AP5Z1: variants seen among roughly 807,000 people sequenced by gnomAD.
AP5Z1 encodes the protein AP-5 complex subunit zeta-1.
In AP5Z1, 106 loss-of-function variants were observed where a neutral mutation model predicts 83.0. The ratio of observed to expected loss-of-function variants is 1.28; its 90% CI spans 1.09 to 1.50. The LOEUF (loss-of-function observed/expected upper bound fraction) is 1.50. Ranked by LOEUF, AP5Z1 falls within the 40% of genes most tolerant of loss-of-function variation. AP5Z1 has a pLI of 0.00. For synonymous variants in AP5Z1, 751 were observed against 514.1 expected (o/e 1.46, Z -6.23); for missense variants, 1,565 against 1,094.2 (o/e 1.43, Z -6.07).
intron 8 of AP5Z1, 27 bp from the exon 9 acceptor site, chr7:4,785,495 C>T (rs758587005): frequency 6.2e-6 from 10 of 1,613,040 alleles, no homozygotes; most frequent in African/African-American, 4.0e-5. Context: ...GCGACTCGGC[C>T]CATTTGATGT....
At chr7:4,788,115 G>T (rs923351130) in intron 11 of AP5Z1, 39 bp from the exon 12 acceptor site, 1 of 1,491,666 alleles carries the variant, frequency 6.7e-7, no homozygotes, top group Admixed American at 2.3e-5. Flanking sequence ...GAGTGCAGGG[G>T]CCGCATCCCA....
At chr7:4,785,762 T>A in intron 9 of AP5Z1, 78 bp downstream of exon 9, 1 of 364,330 alleles carries the variant, frequency 2.7e-6, no homozygotes, top group Non-Finnish European at 3.7e-6. Flanking sequence ...CTTCTTCCCT[T>A]TTTTTTTTTT....
At chr7:4,789,155 G>A in intron 13 of AP5Z1, 1 of 533,278 alleles carries the variant, frequency 1.9e-6, no homozygotes, top group Non-Finnish European at 3.3e-6. Context: ...TATTCCAGCA[G>A]GCCCCGTTCC....
Position 4,791,503 on chromosome 7 carries a change from C to G in AP5Z1, c.*118C>G, listed in dbSNP as rs971603837. 43 of 1,414,752 alleles carry G rather than the reference C, an allele frequency of 3.0e-5. No individual in the cohort carries two copies. The highest frequency in any genetic ancestry group is 3.8e-5 in the Non-Finnish European group (40 of 1,061,166). The allele number at this position is 1,414,752 out of a possible 1,614,324, so 87.6% of individuals were successfully genotyped here. A position where few individuals can be genotyped will look rare whatever the true frequency, so the allele number is the denominator to read the frequency against. On this transcript the variant is annotated 3_prime_UTR_variant, in exon 17 of 17. Coordinates refer to ENST00000649063, the MANE Select transcript of AP5Z1 (RefSeq NM_014855.3). ...GGAGTCCTGGGAGAGGAGGCAAGGC[C>G]CACGGTGGGCTTGGCACCCTCACAG...
chr7:4,786,065 C>G (rs926208609), intron 9 of AP5Z1, among the ~76,000 whole-genome samples, 185 bp from the exon 10 acceptor site: 1 of 152,232 alleles, frequency 6.6e-6, no homozygotes, highest in African/African-American at 2.4e-5. Context: ...GTGTGTGACT[C>G]ACGAGCTGTC....
In AP5Z1 at chr7:4,783,449, C is replaced by A. The variant is rs748108455; in HGVS notation, c.500C>A (p.Thr167Asn). Reference sequence around the variant, plus strand: ...AAGGTCGTGGTCCTCAGCCCGGGCACCCTCCAGGAGGGTACGCGGGGCCCC... The same window carrying A: ...AAGGTCGTGGTCCTCAGCCCGGGCAACCTCCAGGAGGGTACGCGGGGCCCC... ...MAKVVVLSPG[T>N]LQEDQATLLS... is the part of the protein sequence containing the mutation. Residue 167 changes from threonine (T) to asparagine (N), a missense_variant, in exon 4 of 17, where the codon ACC becomes AAC. Transcript: ENST00000649063. 45 of 1,612,554 alleles carry A rather than the reference C, an allele frequency of 2.8e-5. No individual in the cohort carries two copies. The African/African-American group carries it at 4.0e-4, about 14-fold the overall frequency.
intron 12 of AP5Z1, 179 bp from the exon 13 acceptor site, chr7:4,788,661 C>G (rs1239504482): frequency 5.2e-6 from 3 of 580,104 alleles, no homozygotes; most frequent in South Asian, 2.5e-5. Flanking sequence ...GCTTTACTGT[C>G]CCGGGTGTGC....
At chr7:4,790,386 C>T (rs368130014) in intron 14 of AP5Z1, 73 bp from the exon 15 acceptor site, 9 of 1,607,150 alleles carry the variant, frequency 5.6e-6, no homozygotes, top group African/African-American at 1.3e-5. Flanking sequence ...CGGGTTTCTC[C>T]AGGCCCTTGG....
chr7:4,787,715 G>A lies in AP5Z1; in HGVS notation c.1393G>A (p.Glu465Lys). The A allele has an allele frequency of 1.3e-6, 2 of 1,550,622 alleles. No individual in the cohort carries two copies. Among genetic ancestry groups the A allele is most frequent in the Non-Finnish European group, 1.7e-6 (2 of 1,148,950 alleles). ...PALVDAGTAL[E>K]MLHALLDLPC... ...CCTGGTGGACGCTGGCACAGCCCTG[G>A]AGATGCTGCACGCGCTGCTGGACCT... Residue 465 changes from glutamate (E) to lysine (K), a missense_variant, in exon 11 of 17, where the codon GAG becomes AAG. Transcript: ENST00000649063.
Position 4,788,727 on chromosome 7 carries a change from G to A in AP5Z1, c.1596-113G>A, listed in dbSNP as rs1372823320. 6 of 938,238 alleles carry A rather than the reference G, an allele frequency of 6.4e-6. No individual in the cohort carries two copies. The Admixed American group carries it at 8.5e-5, about 13-fold the overall frequency. The allele number at this position is 938,238 out of a possible 1,614,324, so 58.1% of individuals were successfully genotyped here. ...AGCAGGAGGTCCCGAGAGGCGATGA[G>A]TGAGGATGGGAGCGGGCTCAGCTGT... On this transcript the variant is annotated intron_variant, in intron 12 of 16. Coordinates refer to ENST00000649063, the MANE Select transcript of AP5Z1 (RefSeq NM_014855.3).
rs139019097 is a variant in AP5Z1 at position 4,785,698 on chromosome 7, G to C, written c.1132+14G>C. On this transcript the variant is annotated intron_variant, in intron 9 of 16. Transcript: ENST00000649063. ...TCCTGAGCCACGGTGAGCCCAGGGT[G>C]GGGTGGCGCTGACTCGGGGCTCTGC... The C allele has an allele frequency of 6.7e-7, 1 of 1,492,934 alleles. No homozygotes were observed. The highest frequency in any genetic ancestry group is 8.9e-7 in the Non-Finnish European group (1 of 1,119,948). 92.5% of individuals were successfully genotyped at this position (1,492,934 alleles called of 1,614,324 possible).
rs1001750610 is a variant in AP5Z1, at chr7:4,793,833, A to G, written c.*2448A>G. 9.1e-5 allele frequency: 14 copies of G among 153,422 alleles called. No individual in the cohort carries two copies. Among genetic ancestry groups the G allele is most frequent in the African/African-American group, 3.4e-4 (14 of 41,484 alleles). The allele number at this position is 153,422 out of a possible 1,614,324, so 9.5% of individuals were successfully genotyped here. On this transcript the variant is annotated 3_prime_UTR_variant, in exon 17 of 17. Transcript: ENST00000649063. ...ACGAGTGTTGCCACCTGCTCAGGGC[A>G]CCCAGTCCCATCGACCACCCAAGGG...
chr7:4,790,091 C>A, intron 14 of AP5Z1, 162 bp downstream of exon 14: 1 of 1,318,778 alleles, frequency 7.6e-7, no homozygotes, highest in African/African-American at 1.6e-5. Flanking sequence ...CACACCCAGC[C>A]CCAGGCACTT....
At chr7:4,789,169 G>A (rs1399971647) in intron 13 of AP5Z1, 2 of 505,370 alleles carry the variant, frequency 4.0e-6, no homozygotes, top group East Asian at 3.4e-5. Flanking sequence ...CCGTTCCCCA[G>A]TCCCCGTCCC....
chr7:4,784,011 G>A (rs2291491), intron 5 of AP5Z1, among the ~76,000 whole-genome samples, 192 bp from the exon 6 acceptor site: 15 of 152,320 alleles, frequency 9.8e-5, no homozygotes, highest in Middle Eastern at 3.4e-3. Flanking sequence ...CAGGGCCTGC[G>A]GAGCAGGGTG....
rs951832142 is a variant in AP5Z1, at chr7:4,791,531, A to T, written c.*146A>T. The T allele has an allele frequency of 8.1e-7, 1 of 1,233,450 alleles. No homozygotes were observed. The highest frequency in any genetic ancestry group is 1.1e-6 in the Non-Finnish European group (1 of 904,092). The allele number at this position is 1,233,450 out of a possible 1,614,324, so 76.4% of individuals were successfully genotyped here. On this transcript the variant is annotated 3_prime_UTR_variant, in exon 17 of 17. Coordinates refer to ENST00000649063, the MANE Select transcript of AP5Z1 (RefSeq NM_014855.3). ...CGGTGGGCTTGGCACCCTCACAGAC[A>T]CGCGGGGCTGGCCCCCCTGCTCACC...
At position 4,790,200 on chromosome 7, in the gene AP5Z1, CCTT is replaced by C. The variant is rs368393081; in HGVS notation, c.1806-256_1806-254del. ...TCTTCCCCGTCTTGTCCCCTGGGGT[CCTT>C]CTCTCCAAAGGCCTGATGCATGCAG... is the stretch of plus-strand genomic sequence containing the variant. On this transcript the variant is annotated intron_variant, in intron 14 of 16. Coordinates refer to ENST00000649063, the MANE Select transcript of AP5Z1 (RefSeq NM_014855.3). 728 of 1,547,414 alleles carry C rather than the reference CCTT, an allele frequency of 4.7e-4. 3 individuals carry two copies. In the Middle Eastern group the frequency reaches 5.5e-3, roughly 12 times the overall value.
chr7:4,789,999 C>A (rs1476776480), intron 14 of AP5Z1, 70 bp downstream of exon 14: 1 of 747,518 alleles, frequency 1.3e-6, no homozygotes, highest in East Asian at 5.6e-5. Context: ...CTCTCCCCTC[C>A]CCCCTCCCCT....
In AP5Z1 at chr7:4,784,245, T is replaced by A. The variant is rs1322293814; in HGVS notation, c.664T>A (p.Phe222Ile). ...GGTGGACGGGGCGGTAGCCACAGAC[T>A]TCTTCACGGTGCTCTCCAGCGGCCA... ...TEVDGAVATDFFTVLSSGHRF... is the reference protein window; with the variant it reads ...TEVDGAVATDIFTVLSSGHRF... The change falls in exon 6 of 17, where the codon TTC becomes ATC. Residue 222 changes from phenylalanine (F) to isoleucine (I), a missense_variant. Phe to Ile is a conservative substitution (Grantham distance 21). Coordinates refer to ENST00000649063, the MANE Select transcript of AP5Z1 (RefSeq NM_014855.3). 6 of 1,552,434 alleles carry A rather than the reference T, an allele frequency of 3.9e-6. No homozygotes were observed. Among genetic ancestry groups the A allele is most frequent in the Non-Finnish European group, 5.2e-6 (6 of 1,146,744 alleles).
Sources: allele counts gnomAD v4.1 joint callset (sites outside exome capture counted in the v4.1 genomes callset), GRCh38; gene constraint gnomAD v4.1.1; transcripts MANE v1.5; gene names NCBI Gene and HGNC (gene_info 2026-07-23, HGNC 2026-07-21).